Variants in AGO3 observed in about 807,000 individuals in gnomAD.
AGO3 encodes the protein argonaute RISC catalytic component 3, also known as protein argonaute-3.
Under a neutral mutation model 105.5 loss-of-function variants are expected in AGO3, and 16 were observed. The observed-to-expected ratio is 0.15, with a 90% confidence interval of 0.10 to 0.23. The LOEUF (loss-of-function observed/expected upper bound fraction) is 0.23. Ranked by LOEUF, AGO3 falls within the 10% of genes least tolerant of loss-of-function variation. The pLI is 1.00. For synonymous variants in AGO3, 340 were observed against 367.3 expected, an observed-to-expected ratio of 0.93 and a Z score of 0.85; for missense variants, 534 against 1,088.0, an observed-to-expected ratio of 0.49 and a Z score of 7.16.
intron 11 of AGO3, among the ~76,000 whole-genome samples, chr1:36,021,520 C>T (rs1369577093): frequency 6.6e-6 from 1 of 152,102 alleles, no homozygotes; most frequent in Non-Finnish European, 1.5e-5. Context: ...AACATCACTT[C>T]TTATTTGACA....
chr1:36,047,591 A>T (rs531719817), intron 17 of AGO3, among the ~76,000 whole-genome samples: 11 of 152,224 alleles, frequency 7.2e-5, no homozygotes, highest in Non-Finnish European at 1.5e-4. Context: ...TGCTTAATGA[A>T]ATATTAGGTT....
chr1:35,931,668 G>A (rs913462232), intron 1 of AGO3, among the ~76,000 whole-genome samples: 1 of 152,268 alleles, frequency 6.6e-6, no homozygotes, highest in Non-Finnish European at 1.5e-5. Flanking sequence ...AACGCTTGGA[G>A]GATTTAAGTT....
chr1:35,935,142 G>T (rs2148738438), intron 1 of AGO3, among the ~76,000 whole-genome samples: 1 of 152,236 alleles, frequency 6.6e-6, no homozygotes, highest in Non-Finnish European at 1.5e-5. Context: ...CACTTGACTG[G>T]CAGTGGGACT....
chr1:35,991,971 A>G (rs1173983021), intron 5 of AGO3: 1 of 152,026 alleles, frequency 6.6e-6, no homozygotes, highest in East Asian at 1.9e-4. Flanking sequence ...GAAGGCATGG[A>G]TAGGGTTTGT....
chr1:35,989,465 C>T (rs1045156360), intron 5 of AGO3, among the ~76,000 whole-genome samples: 1 of 152,158 alleles, frequency 6.6e-6, no homozygotes, highest in African/African-American at 2.4e-5. Flanking sequence ...AATACTGGTG[C>T]AGCTTACCAT....
intron 9 of AGO3, among the ~76,000 whole-genome samples, chr1:36,010,671 G>A (rs914390222): frequency 2.6e-5 from 4 of 151,752 alleles, no homozygotes; most frequent in Non-Finnish European, 4.4e-5. Context: ...ACTTTCGGAG[G>A]CCGAGGGGGG....
At chr1:36,010,928 AGAGG>A (rs1356705108) in intron 9 of AGO3, among the ~76,000 whole-genome samples, 4 of 138,538 alleles carry the variant, frequency 2.9e-5, no homozygotes, top group Admixed American at 1.4e-4. Context: ...AGAGAGAGAG[AGAGG>A]GAGGGAGGGA....
intron 1 of AGO3, among the ~76,000 whole-genome samples, chr1:35,942,270 A>C (rs1457811065): frequency 2.6e-5 from 4 of 152,168 alleles, no homozygotes; most frequent in African/African-American, 9.7e-5. Context: ...CATTCTTTTG[A>C]TATATTGTTG....
At position 36,055,818 on chromosome 1, in the gene AGO3, T is replaced by G; in HGVS notation, c.*73T>G. The G allele has an allele frequency of 1.3e-6, 2 of 1,493,950 alleles. No homozygotes were observed. The highest frequency in any genetic ancestry group is 2.3e-5 in the South Asian group (2 of 86,622). 92.5% of individuals were successfully genotyped at this position (1,493,950 alleles called of 1,614,324 possible). ...CATACAACGTATGTTTCCAGTGAAG[T>G]CAATTGAGTAAGGACACCTCCAGCC... On this transcript the variant is annotated 3_prime_UTR_variant, in exon 19 of 19. Coordinates refer to ENST00000373191, the MANE Select transcript of AGO3 (RefSeq NM_024852.4). The surrounding 1 kb of genome is among the most constrained non-coding windows in gnomAD (Gnocchi z 4.4).
intron 17 of AGO3, among the ~76,000 whole-genome samples, chr1:36,045,085 C>T (rs1282310544): frequency 6.6e-6 from 1 of 152,150 alleles, no homozygotes; most frequent in East Asian, 1.9e-4. Flanking sequence ...ATATCAGCTC[C>T]TCTTTACAAT....
At chr1:35,968,847 A>G (rs1326627262) in intron 3 of AGO3, among the ~76,000 whole-genome samples, 1 of 151,436 alleles carries the variant, frequency 6.6e-6, no homozygotes, top group Non-Finnish European at 1.5e-5. Flanking sequence ...ATTCCCACCA[A>G]CAGTGAACAA....
chr1:35,991,585 GTATT>G (rs926937105), intron 5 of AGO3, among the ~76,000 whole-genome samples: 4 of 148,882 alleles, frequency 2.7e-5, no homozygotes, highest in East Asian at 2.0e-4. Context: ...ATTAGAAAAT[GTATT>G]TATCAACAAA....
rs138572860 is a variant in AGO3 at position 36,067,182 on chromosome 1, G to A, written c.*11437G>A. On this transcript the variant is annotated 3_prime_UTR_variant, in exon 19 of 19. Transcript: ENST00000373191. ...TGTAGTCTTTCCTGTAAAGAAAATG[G>A]TTTTGGTGTGGGATTTGGTAAAAAC... The A allele has an allele frequency of 6.6e-6, 1 of 152,232 alleles. No individual in the cohort carries two copies. The highest frequency in any genetic ancestry group is 2.4e-5 in the African/African-American group (1 of 41,538). 9.4% of individuals were successfully genotyped at this position (152,232 alleles called of 1,614,324 possible). A position where few individuals can be genotyped will look rare whatever the true frequency, so the allele number is the denominator to read the frequency against.
chr1:36,022,274 C>T (rs1229021902), intron 11 of AGO3, among the ~76,000 whole-genome samples: 2 of 152,032 alleles, frequency 1.3e-5, no homozygotes, highest in East Asian at 3.9e-4. Flanking sequence ...ACTATGTTGC[C>T]CAGGCTAGTT....
chr1:35,958,387 A>G (rs1001418495), intron 2 of AGO3, among the ~76,000 whole-genome samples: 2 of 151,898 alleles, frequency 1.3e-5, no homozygotes, highest in South Asian at 2.1e-4. Context: ...TAATAAAAAA[A>G]AAAGAAAAAT....
At chr1:35,951,819 G>A (rs1646474709) in intron 2 of AGO3, among the ~76,000 whole-genome samples, 1 of 152,076 alleles carries the variant, frequency 6.6e-6, no homozygotes, top group Non-Finnish European at 1.5e-5. Flanking sequence ...CATTTTTATG[G>A]TGTTATAGTT....
At chr1:35,967,488 C>T (rs1646796320) in intron 3 of AGO3, among the ~76,000 whole-genome samples, 1 of 148,034 alleles carries the variant, frequency 6.8e-6, no homozygotes, top group South Asian at 2.2e-4. Context: ...GATCTCGGCT[C>T]ACTGCAACCT....
chr1:36,055,852 A>G lies in AGO3; in HGVS notation c.*107A>G. The G allele has an allele frequency of 9.5e-7, 1 of 1,049,548 alleles. No individual in the cohort carries two copies. The highest frequency in any genetic ancestry group is 1.4e-6 in the Non-Finnish European group (1 of 708,720). The allele number at this position is 1,049,548 out of a possible 1,614,324, so 65.0% of individuals were successfully genotyped here. A position where few individuals can be genotyped will look rare whatever the true frequency, so the allele number is the denominator to read the frequency against. On this transcript the variant is annotated 3_prime_UTR_variant, in exon 19 of 19. Transcript: ENST00000373191. This position sits in a 1 kb window ranked among gnomAD's most constrained non-coding sequence, Gnocchi z 4.4. Reference sequence around the variant, plus strand: ...TAAGGACACCTCCAGCCATACAGAAACCAACACTGTGTGGGGGCCAAGGTC... The same window carrying G: ...TAAGGACACCTCCAGCCATACAGAAGCCAACACTGTGTGGGGGCCAAGGTC...
Position 36,030,637 on chromosome 1 carries a change from T to C in AGO3, c.1591+3339T>C, listed in dbSNP as rs367960001. 1.1e-4 allele frequency among the ~76,000 whole-genome samples: 17 copies of C among 152,314 alleles called. No homozygotes were observed. In the East Asian group the frequency reaches 1.5e-3, roughly 14 times the overall value. ...AGTATGCAGTGTATTAATACGTTGC[T>C]GATGGTAGTATAAATTGATATTACC... On this transcript the variant is annotated intron_variant, in intron 12 of 18. Coordinates refer to ENST00000373191, the MANE Select transcript of AGO3 (RefSeq NM_024852.4).
Sources: allele counts gnomAD v4.1 joint callset (sites outside exome capture counted in the v4.1 genomes callset), GRCh38; gene constraint gnomAD v4.1.1; non-coding constraint Gnocchi (gnomAD v3.1); transcripts MANE v1.5; gene names NCBI Gene and HGNC (gene_info 2026-07-23, HGNC 2026-07-21).